The following EPHA3 variants were observed in gnomAD, a reference collection of about 807,000 sequenced individuals.
EPHA3 encodes EPH receptor A3, also known as ephrin type-A receptor 3.
Under a neutral mutation model 107.1 loss-of-function variants are expected in EPHA3, and 42 were observed. The ratio of observed to expected loss-of-function variants is 0.39; its 90% CI spans 0.31 to 0.51. The LOEUF (loss-of-function observed/expected upper bound fraction) is 0.51, where lower values mean the gene tolerates loss of function less well. EPHA3 is among the 20% of genes least tolerant of loss of function. EPHA3 has a pLI of 0.78. For missense variants in EPHA3, 1,183 were observed against 1,211.2 expected (o/e 0.98, Z 0.35); for synonymous variants, 461 against 424.8 (o/e 1.09, Z -1.05).
Position 89,435,594 on chromosome 3 carries a change from C to CTA in EPHA3, c.2346+4246_2346+4247dup, listed in dbSNP as rs58654688. Among the ~76,000 whole-genome samples, 142 of 143,872 alleles carry CTA rather than the reference C, an allele frequency of 9.9e-4. 1 individual carries two copies. In the East Asian group the frequency reaches 0.017, roughly 17 times the overall value. The allele number at this position is 143,872 out of a possible 152,430, so 94.4% of individuals were successfully genotyped here. Reference sequence around the variant, plus strand: ...TATATAATTTTATATATAAATACATCTATATATATATAAATAAATTATATA... The same window carrying CTA: ...TATATAATTTTATATATAAATACATCTATATATATATATAAATAAATTATATA... On this transcript the variant is annotated intron_variant, in intron 13 of 16. Transcript: ENST00000336596.
At chr3:89,457,946 G>C (rs1009736523) in intron 15 of EPHA3, among the ~76,000 whole-genome samples, 4 of 152,212 alleles carry the variant, frequency 2.6e-5, no homozygotes, top group African/African-American at 9.7e-5. Context: ...AAGTATCAGA[G>C]AATACTTCCA....
intron 16 of EPHA3, among the ~76,000 whole-genome samples, chr3:89,478,874 G>A (rs763341389): frequency 1.3e-5 from 2 of 152,160 alleles, no homozygotes; most frequent in African/African-American, 2.4e-5. Flanking sequence ...AATTCTGGTG[G>A]CAGAAGTCTG....
At chr3:89,177,070 C>T (rs1423068618) in intron 2 of EPHA3, among the ~76,000 whole-genome samples, 5 of 152,012 alleles carry the variant, frequency 3.3e-5, no homozygotes, top group Middle Eastern at 3.4e-3. Flanking sequence ...AAAGGGTTCA[C>T]TCTGCGTGTG....
intron 3 of EPHA3, among the ~76,000 whole-genome samples, chr3:89,214,624 C>A (rs1292935883): frequency 6.6e-6 from 1 of 151,750 alleles, no homozygotes; most frequent in Non-Finnish European, 1.5e-5. Context: ...TTCAATTAAA[C>A]CTCTAGTCTA....
At chr3:89,166,273 T>C (rs1057202628) in intron 2 of EPHA3, among the ~76,000 whole-genome samples, 11 of 152,200 alleles carry the variant, frequency 7.2e-5, no homozygotes, top group Non-Finnish European at 1.0e-4. Context: ...ATGGTAGTTG[T>C]TCAGCTTTTT....
chr3:89,365,493 C>A (rs1275600105), intron 5 of EPHA3, among the ~76,000 whole-genome samples: 1 of 150,642 alleles, frequency 6.6e-6, no homozygotes, highest in Non-Finnish European at 1.5e-5. Context: ...AGCTTTTCAC[C>A]TTGGTTTGAT....
chr3:89,234,540 C>T (rs1221501627), intron 3 of EPHA3, among the ~76,000 whole-genome samples: 1 of 152,122 alleles, frequency 6.6e-6, no homozygotes, highest in Non-Finnish European at 1.5e-5. Context: ...ATCAAATGTG[C>T]TGGTGTCTTC....
At chr3:89,442,452 G>A (rs1709803189) in intron 13 of EPHA3, among the ~76,000 whole-genome samples, 1 of 152,154 alleles carries the variant, frequency 6.6e-6, no homozygotes, top group African/African-American at 2.4e-5. Flanking sequence ...GGATGATTTT[G>A]TTCCCCAGAA....
chr3:89,276,914 G>A (rs1247123508), intron 3 of EPHA3, among the ~76,000 whole-genome samples: 2 of 152,116 alleles, frequency 1.3e-5, no homozygotes, highest in African/African-American at 4.8e-5. Context: ...CCAAAGTGAT[G>A]TTATGGATCA....
rs534391412 is a variant in EPHA3, at chr3:89,243,801, C to T, written c.814+33281C>T. ...TAATTTTTGTCTTCTTTAGTTAATG[C>T]TTAAAACACTTGAACTGGTGGAGTT... On this transcript the variant is annotated intron_variant, in intron 3 of 16. Transcript: ENST00000336596. 5.9e-5 allele frequency among the ~76,000 whole-genome samples: 9 copies of T among 152,188 alleles called. No individual in the cohort carries two copies. In the South Asian group the frequency reaches 1.5e-3, roughly 25 times the overall value.
chr3:89,125,996 T>G (rs1363230691), intron 1 of EPHA3, among the ~76,000 whole-genome samples: 1 of 151,694 alleles, frequency 6.6e-6, no homozygotes, highest in African/African-American at 2.4e-5. Flanking sequence ...AAAAGATTAA[T>G]GTTTGCTTTG....
At chr3:89,438,886 T>C (rs1210317416) in intron 13 of EPHA3, among the ~76,000 whole-genome samples, 3 of 152,222 alleles carry the variant, frequency 2.0e-5, no homozygotes, top group Non-Finnish European at 4.4e-5. Context: ...ATGAAAAGTC[T>C]AGTACTTTCT....
chr3:89,277,686 A>AT (rs1049143685), intron 3 of EPHA3, among the ~76,000 whole-genome samples: 2 of 152,174 alleles, frequency 1.3e-5, no homozygotes, highest in Non-Finnish European at 2.9e-5. Context: ...AGTATATTAT[A>AT]TTTTTTTGTC....
intron 3 of EPHA3, among the ~76,000 whole-genome samples, chr3:89,232,981 A>G (rs1250850812): frequency 6.6e-6 from 1 of 152,048 alleles, no homozygotes; most frequent in Non-Finnish European, 1.5e-5. Flanking sequence ...CAGAAAATGA[A>G]CTCCTACTTT....
rs533905019 is a variant in EPHA3 at position 89,331,804 on chromosome 3, A to G, written c.815-9112A>G. Among the ~76,000 whole-genome samples the G allele has an allele frequency of 7.2e-5, 11 of 152,240 alleles. 1 individual carries two copies. Among genetic ancestry groups the G allele is most frequent in the African/African-American group, 2.6e-4 (11 of 41,542 alleles). Reference sequence around the variant, plus strand: ...ATTCCAAATCAGCCTGGGAAATGCTAATTTATAGTAAAGAGTATTCAGATG... The same window carrying G: ...ATTCCAAATCAGCCTGGGAAATGCTGATTTATAGTAAAGAGTATTCAGATG... On this transcript the variant is annotated intron_variant, in intron 3 of 16. Coordinates refer to ENST00000336596, the MANE Select transcript of EPHA3 (RefSeq NM_005233.6).
chr3:89,407,520 CCTTTT>C, intron 8 of EPHA3, 149 bp downstream of exon 8: 1 of 642,022 alleles, frequency 1.6e-6, no homozygotes, highest in Non-Finnish European at 2.7e-6. Context: ...TCTTTCTCCT[CCTTTT>C]CTTTGTTTCT....
At chr3:89,215,122 T>C (rs1464291932) in intron 3 of EPHA3, among the ~76,000 whole-genome samples, 2 of 151,878 alleles carry the variant, frequency 1.3e-5, no homozygotes. Context: ...TGACTCTGGA[T>C]AGAGCTAACT....
intron 15 of EPHA3, among the ~76,000 whole-genome samples, chr3:89,469,645 G>C (rs1356167821): frequency 6.6e-6 from 1 of 152,112 alleles, no homozygotes; most frequent in Admixed American, 6.6e-5. Flanking sequence ...TTGCTTCATA[G>C]ATTTTCTCAT....
At chr3:89,178,885 C>T (rs1218842874) in intron 2 of EPHA3, among the ~76,000 whole-genome samples, 1 of 151,664 alleles carries the variant, frequency 6.6e-6, no homozygotes, top group East Asian at 1.9e-4. Flanking sequence ...TGTTTAAAGT[C>T]ATAATTTTAT....
Sources: allele counts gnomAD v4.1 joint callset (sites outside exome capture counted in the v4.1 genomes callset), GRCh38; gene constraint gnomAD v4.1.1; transcripts MANE v1.5; gene names NCBI Gene and HGNC (gene_info 2026-07-23, HGNC 2026-07-21).